The following SLC13A3 variants were observed in gnomAD, a reference collection of about 807,000 sequenced individuals.
The protein encoded by SLC13A3 is solute carrier family 13 member 3, also known as Na(+)/dicarboxylate cotransporter 3.
Under a neutral mutation model 59.0 loss-of-function variants are expected in SLC13A3, and 40 were observed. That is an observed-to-expected ratio of 0.68 (90% confidence interval 0.53 to 0.88). The LOEUF is 0.88. SLC13A3 is among the 40% of genes least tolerant of loss of function. The pLI is 0.00. For missense variants in SLC13A3, 699 were observed against 783.2 expected (o/e 0.89, Z 1.28); for synonymous variants, 317 against 330.3 (o/e 0.96, Z 0.44).
intron 1 of SLC13A3, among the ~76,000 whole-genome samples, chr20:46,618,866 C>T (rs1330313401): frequency 6.6e-6 from 1 of 152,206 alleles, no homozygotes; most frequent in Non-Finnish European, 1.5e-5. Context: ...TTCAGAAGCA[C>T]ACTTGGCCAA....
chr20:46,572,598 C>A (rs2062039339), intron 10 of SLC13A3, among the ~76,000 whole-genome samples: 1 of 152,186 alleles, frequency 6.6e-6, no homozygotes, highest in South Asian at 2.1e-4. Flanking sequence ...CCATTTCCAC[C>A]AAGTTGCTCA....
chr20:46,582,547 G>A (rs1435971546), intron 9 of SLC13A3: 13 of 741,714 alleles, frequency 1.8e-5, no homozygotes, highest in Non-Finnish European at 2.1e-5. Context: ...AGACTGCGCT[G>A]AGCTGTGATG....
chr20:46,671,134 G>T (rs2063088883), upstream of SLC13A3, among the ~76,000 whole-genome samples: 2 of 152,150 alleles, frequency 1.3e-5, no homozygotes, highest in East Asian at 3.9e-4. Flanking sequence ...TTGGCTATGA[G>T]CCCATTTGAT....
At chr20:46,622,888 C>T (rs1192751732) in intron 1 of SLC13A3, among the ~76,000 whole-genome samples, 1 of 152,114 alleles carries the variant, frequency 6.6e-6, no homozygotes, top group Admixed American at 6.6e-5. Context: ...CTGATAAAAA[C>T]ATACCTTTCT....
At chr20:46,652,737 C>T (rs1444740827), upstream of SLC13A3, among the ~76,000 whole-genome samples, 1 of 151,794 alleles carries the variant, frequency 6.6e-6, no homozygotes, top group African/African-American at 2.4e-5. Context: ...CACTTCTATT[C>T]ACTTCTGATT....
Position 46,575,581 on chromosome 20 carries a change from C to G in SLC13A3, c.1324G>C (p.Gly442Arg). ...LLGGGFAMAK[G>R]CEESGLSVWI... Reference sequence around the variant, plus strand: ...GAGCCAGGGGGTCTTACCTCACAGCCTTTGGCCATGGCGAAGCCCCCTCCC... The same window carrying G: ...GAGCCAGGGGGTCTTACCTCACAGCGTTTGGCCATGGCGAAGCCCCCTCCC... Residue 442 changes from glycine (G) to arginine (R), a missense_variant, in exon 10 of 13, where the codon GGC becomes CGC. Transcript: ENST00000279027. 6.3e-7 allele frequency: 1 copy of G among 1,596,920 alleles called. No homozygotes were observed. The highest frequency in any genetic ancestry group is 1.7e-4 in the Middle Eastern group (1 of 6,024).
chr20:46,663,131 TAAATA>T (rs1441792582), intron 1 of SLC13A3, among the ~76,000 whole-genome samples: 2 of 151,974 alleles, frequency 1.3e-5, no homozygotes, highest in East Asian at 1.9e-4. Context: ...TGTTTTAAAA[TAAATA>T]AAATAAAATA....
At chr20:46,607,768 G>T (rs2062450288) in intron 3 of SLC13A3, among the ~76,000 whole-genome samples, 1 of 152,178 alleles carries the variant, frequency 6.6e-6, no homozygotes, top group African/African-American at 2.4e-5. Flanking sequence ...GAGAATGTAG[G>T]CTCTGAAGTC....
Position 46,629,218 on chromosome 20 carries a change from TG to T in SLC13A3, c.112-15494del, listed in dbSNP as rs150865059. On this transcript the variant is annotated intron_variant, in intron 1 of 12. Coordinates refer to ENST00000279027, the MANE Select transcript of SLC13A3 (RefSeq NM_022829.6). ...ATATCTGTAAAATTATTGGGTTACA[TG>T]TTCTTTCTCTGAGAATTAGCAGATA... Among the ~76,000 whole-genome samples the T allele has an allele frequency of 5.7e-3, 861 of 152,338 alleles. 12 individuals are homozygous for T. The highest frequency in any genetic ancestry group is 0.02 in the African/African-American group (833 of 41,584).
intron 1 of SLC13A3, among the ~76,000 whole-genome samples, chr20:46,614,056 A>G (rs1168871309): frequency 6.6e-6 from 1 of 152,240 alleles, no homozygotes; most frequent in Non-Finnish European, 1.5e-5. Flanking sequence ...GAATGAAAAT[A>G]GTTTACTTGA....
At chr20:46,617,457 C>G (rs1356222586) in intron 1 of SLC13A3, among the ~76,000 whole-genome samples, 1 of 151,884 alleles carries the variant, frequency 6.6e-6, no homozygotes, top group Non-Finnish European at 1.5e-5. Flanking sequence ...AACCTGGTCT[C>G]TAAAAACCAA....
At position 46,566,269 on chromosome 20, in the gene SLC13A3, G is replaced by A. The variant is rs1435969944; in HGVS notation, c.1454C>T (p.Thr485Met). The change falls in exon 11 of 13, where the codon ACG becomes ATG. Residue 485 changes from threonine (T) to methionine (M), a missense_variant. Transcript: ENST00000279027. Reference protein sequence around the residue: ...IAFFTEFASNTATIIIFLPVL... With the variant: ...IAFFTEFASNMATIIIFLPVL... Reference sequence around the variant, plus strand: ...CGGCAGGAAGATGATGATGGTCGCCGTGTTGCTGGCAAACTCAGTGAAGAA... The same window carrying A: ...CGGCAGGAAGATGATGATGGTCGCCATGTTGCTGGCAAACTCAGTGAAGAA... 5.0e-6 allele frequency: 8 copies of A among 1,613,592 alleles called. No homozygotes were observed. The highest frequency in any genetic ancestry group is 2.7e-5 in the African/African-American group (2 of 74,884).
intron 1 of SLC13A3, among the ~76,000 whole-genome samples, chr20:46,662,345 T>C (rs1018437177): frequency 5.9e-5 from 9 of 152,152 alleles, no homozygotes; most frequent in African/African-American, 2.2e-4. Flanking sequence ...AAAAAAATAA[T>C]AACAAAAACA....
chr20:46,582,579 G>C, intron 9 of SLC13A3: 1 of 954,712 alleles, frequency 1.0e-6, no homozygotes, highest in Non-Finnish European at 1.2e-6. Context: ...CCCCAGCCTG[G>C]GTGACAGAGT....
intron 1 of SLC13A3, among the ~76,000 whole-genome samples, chr20:46,615,787 C>T (rs958615831): frequency 6.6e-6 from 1 of 152,200 alleles, no homozygotes; most frequent in East Asian, 1.9e-4. Context: ...CTTAGCTTTT[C>T]TATCAGTGCT....
intron 9 of SLC13A3, among the ~76,000 whole-genome samples, chr20:46,580,034 C>T (rs6124818): frequency 9.9e-5 from 15 of 152,118 alleles, no homozygotes; most frequent in East Asian, 1.9e-4. Flanking sequence ...GGCGTGATCT[C>T]GGCTCACTGC....
At chr20:46,583,515 C>T (rs2062159602) in intron 9 of SLC13A3, 57 bp downstream of exon 9, 2 of 1,595,386 alleles carry the variant, frequency 1.3e-6, no homozygotes, top group Middle Eastern at 1.8e-4. Flanking sequence ...TTGATGACCA[C>T]ACTCCATGCC....
Position 46,613,635 on chromosome 20 carries a change from C to A in SLC13A3, c.202G>T (p.Val68Phe). The A allele has an allele frequency of 1.9e-6, 3 of 1,611,926 alleles. No homozygotes were observed. The highest frequency in any genetic ancestry group is 2.5e-6 in the Non-Finnish European group (3 of 1,179,082). Residue 68 changes from valine (V) to phenylalanine (F), a missense_variant, in exon 2 of 13, where the codon GTC becomes TTC. By Grantham distance (50) the Val-to-Phe change is conservative. Coordinates refer to ENST00000279027, the MANE Select transcript of SLC13A3 (RefSeq NM_022829.6). ...AAGATGCCCATGAAGGGGAAGAGGA[C>A]GATGGGCAGCAGCGCCGTCACTGAG... ...PLSVTALLPI[V>F]LFPFMGILPS... is the part of the protein sequence containing the mutation.
At chr20:46,590,041 C>T (rs915310088) in intron 6 of SLC13A3, among the ~76,000 whole-genome samples, 2 of 152,114 alleles carry the variant, frequency 1.3e-5, no homozygotes, top group East Asian at 1.9e-4. Flanking sequence ...ACGTCAAAAA[C>T]ACAAGCCATC....
Sources: allele counts gnomAD v4.1 joint callset (sites outside exome capture counted in the v4.1 genomes callset), GRCh38; gene constraint gnomAD v4.1.1; transcripts MANE v1.5; gene names NCBI Gene and HGNC (gene_info 2026-07-23, HGNC 2026-07-21).